Variants in CLIP4 observed in about 807,000 individuals in gnomAD.
The protein encoded by CLIP4 is CAP-Gly domain-containing linker protein 4.
Under a neutral mutation model 73.1 loss-of-function variants are expected in CLIP4, and 47 were observed. The observed-to-expected ratio is 0.64, with a 90% CI of 0.51 to 0.82. The LOEUF (loss-of-function observed/expected upper bound fraction) is 0.82, where lower values mean the gene tolerates loss of function less well. Ranked by LOEUF, CLIP4 falls within the 40% of genes least tolerant of loss-of-function variation. The pLI is 0.00. For missense variants in CLIP4, 874 were observed against 852.9 expected (o/e 1.02, Z -0.31); for synonymous variants, 306 against 295.4 (o/e 1.04, Z -0.37).
At chr2:29,107,358 G>GTTTTTTTTTTTTTTTTTTTTTTTTTTGT (rs1668241915) in intron 1 of CLIP4, among the ~76,000 whole-genome samples, 4 of 65,350 alleles carry the variant, frequency 6.1e-5, no homozygotes, top group African/African-American at 2.1e-4. Context: ...GAACATGATA[G>GTTTTTTTTTTTTTTTTTTTTTTTTTTGT]TTTTTTTTTT....
chr2:29,150,086 T>C (rs1296450609), intron 8 of CLIP4, among the ~76,000 whole-genome samples: 2 of 152,164 alleles, frequency 1.3e-5, no homozygotes, highest in African/African-American at 4.8e-5. Context: ...TCTTACATAA[T>C]AAAGGGAGAA....
intron 5 of CLIP4, 29 bp downstream of exon 5, chr2:29,133,845 T>C (rs1210717566): frequency 2.6e-6 from 4 of 1,536,108 alleles, no homozygotes; most frequent in African/African-American, 1.4e-5. Flanking sequence ...CCTTTAGATA[T>C]TATTAACTGA....
chr2:29,112,225 A>G (rs1248496772), upstream of CLIP4, among the ~76,000 whole-genome samples: 1 of 152,186 alleles, frequency 6.6e-6, no homozygotes, highest in Non-Finnish European at 1.5e-5. Flanking sequence ...TAATTGACTT[A>G]ACTGTTTAAA....
intron 2 of CLIP4, among the ~76,000 whole-genome samples, chr2:29,126,896 C>T (rs1391705199): frequency 1.3e-5 from 2 of 152,114 alleles, no homozygotes; most frequent in East Asian, 1.9e-4. Context: ...TTGGAGGAAA[C>T]TAGAGGAATT....
intron 1 of CLIP4, among the ~76,000 whole-genome samples, chr2:29,119,865 A>G (rs1664136949): frequency 6.6e-6 from 1 of 152,236 alleles, no homozygotes; most frequent in African/African-American, 2.4e-5. Context: ...GTGATGGAGC[A>G]GATCCCATTC....
chr2:29,142,530 TA>T (rs1235754785), intron 6 of CLIP4, among the ~76,000 whole-genome samples: 5 of 152,312 alleles, frequency 3.3e-5, no homozygotes, highest in African/African-American at 1.2e-4. Context: ...CACATATCTT[TA>T]TTGTATTTTG....
intron 4 of CLIP4, 73 bp downstream of exon 4, chr2:29,132,318 A>C: frequency 7.9e-7 from 1 of 1,263,776 alleles, no homozygotes. Context: ...ATTTATGCCC[A>C]TATATTGTCT....
In CLIP4 at chr2:29,181,792, C is replaced by A; in HGVS notation, c.2017C>A (p.Arg673Ser). The change falls in exon 16 of 16, where the codon CGC becomes AGC. Residue 673 changes from arginine (R) to serine (S), a missense_variant. Arg to Ser is a moderately radical substitution (Grantham distance 110, BLOSUM62 -1). Transcript: ENST00000320081. ...AAATGATGGGTCAGTGGGTGACAAG[C>A]GCTATTTCACCTGTAAGCCGAACCA... is the stretch of plus-strand genomic sequence containing the variant. ...GKNDGSVGDK[R>S]YFTCKPNHGV... The A allele has an allele frequency of 6.2e-7, 1 of 1,614,136 alleles. No homozygotes were observed. The highest frequency in any genetic ancestry group is 1.6e-4 in the Middle Eastern group (1 of 6,062).
intron 8 of CLIP4, among the ~76,000 whole-genome samples, chr2:29,148,628 T>C (rs1182335465): frequency 1.3e-5 from 2 of 152,224 alleles, no homozygotes; most frequent in African/African-American, 4.8e-5. Flanking sequence ...TTCAACTCTT[T>C]TAGCTGTATT....
chr2:29,167,571 A>C, intron 14 of CLIP4, 31 bp downstream of exon 14: 8 of 1,521,170 alleles, frequency 5.3e-6, no homozygotes, highest in Non-Finnish European at 6.2e-6. Context: ...GTTCCTAATC[A>C]ATATTTCTTT....
Position 29,181,737 on chromosome 2 carries a change from T to G in CLIP4, c.1962T>G (p.Leu654=). Residue 654 remains leucine (L), a synonymous_variant, in exon 16 of 16, where the codon CTT becomes CTG. Transcript: ENST00000320081. ...CTGACTTTGCTTCAGGTATCTGGCT[T>G]GGACTTGAGCTCCGAAGCGCCAAGG... is the stretch of plus-strand genomic sequence containing the variant. ...GPTDFASGIW[L]GLELRSAKGK... 6.2e-7 allele frequency: 1 copy of G among 1,614,136 alleles called. No individual in the cohort carries two copies. Among genetic ancestry groups the G allele is most frequent in the Non-Finnish European group, 8.5e-7 (1 of 1,180,020 alleles).
intron 1 of CLIP4, among the ~76,000 whole-genome samples, chr2:29,104,874 C>T (rs1668156976): frequency 6.6e-6 from 1 of 152,128 alleles, no homozygotes. Context: ...ATGGGTGAGG[C>T]TGGAGAAACA....
chr2:29,164,524 G>C (rs1269677336), intron 13 of CLIP4, among the ~76,000 whole-genome samples: 1 of 152,114 alleles, frequency 6.6e-6, no homozygotes, highest in Non-Finnish European at 1.5e-5. Flanking sequence ...AAAATAAGTT[G>C]AGCAGAAACA....
Position 29,182,024 on chromosome 2 carries a change from C to A in CLIP4, c.*131C>A. 1.4e-6 allele frequency: 1 copy of A among 711,930 alleles called. No individual in the cohort carries two copies. The highest frequency in any genetic ancestry group is 2.2e-6 in the Non-Finnish European group (1 of 456,414). The allele number at this position is 711,930 out of a possible 1,614,324, so 44.1% of individuals were successfully genotyped here. A position where few individuals can be genotyped will look rare whatever the true frequency, so the allele number is the denominator to read the frequency against. ...GTTATCTTCTTAAAAACCATTATAACAATTCAGAGAGAGTTCTTTACAAAG... is the reference window on the plus strand; with the variant it reads ...GTTATCTTCTTAAAAACCATTATAAAAATTCAGAGAGAGTTCTTTACAAAG... On this transcript the variant is annotated 3_prime_UTR_variant, in exon 16 of 16. Coordinates refer to ENST00000320081, the MANE Select transcript of CLIP4 (RefSeq NM_024692.6).
At chr2:29,162,272 T>C (rs947172877) in intron 12 of CLIP4, among the ~76,000 whole-genome samples, 1 of 152,170 alleles carries the variant, frequency 6.6e-6, no homozygotes, top group East Asian at 1.9e-4. Flanking sequence ...AGTGGAAACT[T>C]TTTTGTTAAA....
chr2:29,148,262 G>A (rs996158307), intron 8 of CLIP4, among the ~76,000 whole-genome samples: 1 of 152,196 alleles, frequency 6.6e-6, no homozygotes, highest in Non-Finnish European at 1.5e-5. Context: ...CAGAAGCCAA[G>A]GAATTTCTCA....
At chr2:29,107,358 G>GTTTTGTTTTTTT (rs1668239932) in intron 1 of CLIP4, among the ~76,000 whole-genome samples, 4 of 65,352 alleles carry the variant, frequency 6.1e-5, no homozygotes, top group Non-Finnish European at 1.2e-4. Context: ...GAACATGATA[G>GTTTTGTTTTTTT]TTTTTTTTTT....
intron 8 of CLIP4, among the ~76,000 whole-genome samples, chr2:29,145,957 C>T (rs564441257): frequency 3.9e-5 from 6 of 152,230 alleles, no homozygotes; most frequent in Non-Finnish European, 8.8e-5. Context: ...GCAGGGATTA[C>T]AGGCATGAGC....
rs143537350 is a variant in CLIP4, at chr2:29,133,961, A to G, written c.529+145A>G. 19 of 656,036 alleles carry G rather than the reference A, an allele frequency of 2.9e-5. No individual in the cohort carries two copies. The African/African-American group carries it at 3.1e-4, about 11-fold the overall frequency. The allele number at this position is 656,036 out of a possible 1,614,324, so 40.6% of individuals were successfully genotyped here. ...TCCATTTTATTTCTGAGATAGTTTA[A>G]AATTTCTTTATTGAGTATTAATTAC... is the stretch of plus-strand genomic sequence containing the variant. On this transcript the variant is annotated intron_variant, in intron 5 of 15. Coordinates refer to ENST00000320081, the MANE Select transcript of CLIP4 (RefSeq NM_024692.6).
Sources: gnomAD v4.1 joint callset for allele counts (sites outside exome capture counted in the v4.1 genomes callset) on GRCh38, gnomAD v4.1.1 for gene constraint, MANE v1.5 for transcripts, NCBI Gene and HGNC (gene_info 2026-07-23, HGNC 2026-07-21) for gene names.